The following GPHB5 variants were observed in gnomAD, a reference collection of about 807,000 sequenced individuals.
GPHB5 encodes the protein glycoprotein hormone beta-5.
In GPHB5, 7 loss-of-function variants were observed where a neutral mutation model predicts 10.1. That is an observed-to-expected ratio of 0.69 (90% CI 0.39 to 1.30). GPHB5 has a LOEUF of 1.30. Ranked by LOEUF, GPHB5 falls within the 50% of genes most tolerant of loss-of-function variation. The probability of loss-of-function intolerance (pLI) is 0.01; values close to 1 mark genes in which losing one functional copy is unlikely to be tolerated. For synonymous variants in GPHB5, 68 were observed against 70.1 expected (o/e 0.97, Z 0.15); for missense variants, 161 against 169.8 (o/e 0.95, Z 0.29).
At chr14:63,313,505 A>C (rs1304019671) in intron 2 of GPHB5, among the ~76,000 whole-genome samples, 1 of 152,096 alleles carries the variant, frequency 6.6e-6, no homozygotes, top group African/African-American at 2.4e-5. Flanking sequence ...AGCCCCAGTG[A>C]TTTCCCATCT....
Position 63,317,870 on chromosome 14 carries a change from A to T in GPHB5, c.-1-20T>A. On this transcript the variant is annotated intron_variant, in intron 1 of 2. Coordinates refer to ENST00000621500, the MANE Select transcript of GPHB5 (RefSeq NM_145171.4). ...TTCATGCTGCTCTTCCGGAGAGGGA[A>T]AGGACAGAGTTTAACAGATCTGGCT... 1 of 1,612,264 alleles carries T rather than the reference A, an allele frequency of 6.2e-7. No individual in the cohort carries two copies. The highest frequency in any genetic ancestry group is 8.5e-7 in the Non-Finnish European group (1 of 1,178,662).
At chr14:63,317,955 A>G in intron 1 of GPHB5, 105 bp from the exon 2 acceptor site, 6 of 1,006,256 alleles carry the variant, frequency 6.0e-6, no homozygotes, top group Non-Finnish European at 8.7e-6. Flanking sequence ...TGCTCCTAGC[A>G]TTTCAGGGAA....
chr14:63,312,935 G>A lies in GPHB5; in HGVS notation c.386C>T (p.Thr129Ile). ...AGAGAGCAGCTAGCGGCCTCAGATG[G>A]TCTCACACTCCGTGGTGGCAGTGGA... ...ACSTATTECE[T>I]I Residue 129 changes from threonine to isoleucine, a missense_variant, in exon 3 of 3, where the codon ACC (threonine) becomes ATC (isoleucine). Transcript: ENST00000621500. The A allele has an allele frequency of 6.4e-7, 1 of 1,552,236 alleles. No individual in the cohort carries two copies. Among genetic ancestry groups the A allele is most frequent in the Non-Finnish European group, 8.7e-7 (1 of 1,147,316 alleles).
chr14:63,318,065 C>G (rs1376946964), intron 1 of GPHB5, among the ~76,000 whole-genome samples: 1 of 152,194 alleles, frequency 6.6e-6, no homozygotes, highest in East Asian at 1.9e-4. Context: ...TCTCTAGATG[C>G]CCATCCTCCA....
Position 63,318,869 on chromosome 14 carries a change from C to T in GPHB5, c.-47G>A, listed in dbSNP as rs1882817395. The T allele has an allele frequency of 6.6e-6, 1 of 152,178 alleles. No individual in the cohort carries two copies. Among genetic ancestry groups the T allele is most frequent in the East Asian group, 1.9e-4 (1 of 5,198 alleles). 9.4% of individuals were successfully genotyped at this position (152,178 alleles called of 1,614,324 possible). A position where few individuals can be genotyped will look rare whatever the true frequency, so the allele number is the denominator to read the frequency against. ...TCTTCTTTTAGAGCTGAAACTTGCA[C>T]TAAGATTTCAGGAAGTCACAATGAA... On this transcript the variant is annotated 5_prime_UTR_variant, in exon 1 of 3. In the 5' UTR this introduces an upstream ATG that the reference lacks. Transcript: ENST00000621500.
At chr14:63,315,457 C>G (rs1882756357) in intron 2 of GPHB5, among the ~76,000 whole-genome samples, 1 of 152,016 alleles carries the variant, frequency 6.6e-6, no homozygotes, top group African/African-American at 2.4e-5. Context: ...TCCAATTTAC[C>G]TGGGCTTCCT....
intron 2 of GPHB5, among the ~76,000 whole-genome samples, chr14:63,314,423 TC>T (rs1882731480): frequency 7.2e-6 from 1 of 138,890 alleles, no homozygotes; most frequent in Admixed American, 6.8e-5. Context: ...AAAAATGCAA[TC>T]CATTTTTTTT....
chr14:63,318,695 G>A (rs1198210974), intron 1 of GPHB5, 129 bp downstream of exon 1: 1 of 152,136 alleles, frequency 6.6e-6, no homozygotes, highest in Non-Finnish European at 1.5e-5. Flanking sequence ...TAAAGGATAT[G>A]GCATTCATGG....
rs10137710 is a variant in GPHB5, at chr14:63,315,840, G to A, written c.204+1806C>T. On this transcript the variant is annotated intron_variant, in intron 2 of 2. Coordinates refer to ENST00000621500, the MANE Select transcript of GPHB5 (RefSeq NM_145171.4). Reference sequence around the variant, plus strand: ...ATCAGGGAGAATCTTGTTCTTTAACGGTTTTGGTGTTTCCATCTTTCCAGT... The same window carrying A: ...ATCAGGGAGAATCTTGTTCTTTAACAGTTTTGGTGTTTCCATCTTTCCAGT... Among the ~76,000 whole-genome samples the A allele has an allele frequency of 3.9e-5, 6 of 152,090 alleles. No homozygotes were observed. In the East Asian group the frequency reaches 7.7e-4, roughly 20 times the overall value.
At position 63,313,638 on chromosome 14, in the gene GPHB5, C is replaced by T. The variant is rs549983878; in HGVS notation, c.205-522G>A. Among the ~76,000 whole-genome samples, 3 of 152,280 alleles carry T rather than the reference C, an allele frequency of 2.0e-5. No individual in the cohort carries two copies. The South Asian group carries it at 6.2e-4, about 32-fold the overall frequency. On this transcript the variant is annotated intron_variant, in intron 2 of 2. Transcript: ENST00000621500. ...CTCACTGACTTCCTCACTAGGCTCA[C>T]GGCGGTCTCCTTATTGCTCCTCTGA...
At position 63,312,977 on chromosome 14, in the gene GPHB5, C is replaced by T. The variant is rs1476191180; in HGVS notation, c.344G>A (p.Cys115Tyr). ...PFYTYPVAIR[C>Y]DCGACSTATT... ...GGCAGTGGAGCAGGCTCCGCAGTCA[C>T]AGCGGATGGCCACGGGATAGGTGTA... Residue 115 changes from cysteine (C) to tyrosine (Y), a missense_variant, in exon 3 of 3, where the codon TGT becomes TAT. Coordinates refer to ENST00000621500, the MANE Select transcript of GPHB5 (RefSeq NM_145171.4). 1 of 1,560,374 alleles carries T rather than the reference C, an allele frequency of 6.4e-7. No individual in the cohort carries two copies. Among genetic ancestry groups the T allele is most frequent in the Non-Finnish European group, 8.7e-7 (1 of 1,151,912 alleles).
Position 63,312,999 on chromosome 14 carries a change from T to A in GPHB5, c.322A>T (p.Thr108Ser). ...TCACAGCGGATGGCCACGGGATAGG[T>A]GTAGAAGGGGTCGACTCCCGGGGCA... ...NCAPGVDPFY[T>S]YPVAIRCDCG... Residue 108 changes from threonine (T) to serine (S), a missense_variant, in exon 3 of 3, where the codon ACC (threonine) becomes TCC (serine). Coordinates refer to ENST00000621500, the MANE Select transcript of GPHB5 (RefSeq NM_145171.4). 2.5e-6 allele frequency: 4 copies of A among 1,574,688 alleles called. No individual in the cohort carries two copies. The highest frequency in any genetic ancestry group is 2.6e-6 in the Non-Finnish European group (3 of 1,159,776).
intron 2 of GPHB5, 110 bp from the exon 3 acceptor site, chr14:63,313,226 T>C (rs1882704150): frequency 1.9e-6 from 2 of 1,045,358 alleles, no homozygotes; most frequent in African/African-American, 1.6e-5. Context: ...GTTGATTTAC[T>C]TGTTGCTCTG....
intron 2 of GPHB5, among the ~76,000 whole-genome samples, chr14:63,317,022 C>T (rs1162001698): frequency 1.3e-5 from 2 of 152,260 alleles, no homozygotes; most frequent in South Asian, 2.1e-4. Flanking sequence ...GTGTTATCTC[C>T]ACTTTAAATT....
chr14:63,313,688 G>C (rs768901478), intron 2 of GPHB5, among the ~76,000 whole-genome samples: 40 of 152,074 alleles, frequency 2.6e-4, no homozygotes, highest in Non-Finnish European at 5.3e-4. Flanking sequence ...CCCCAGCTCA[G>C]GGCCTTTGCA....
rs1192197656 is a variant in GPHB5, at chr14:63,313,094, T to C, written c.227A>G (p.Tyr76Cys). Residue 76 changes from tyrosine (Y) to cysteine (C), a missense_variant, in exon 3 of 3, where the codon TAT (tyrosine) becomes TGT (cysteine). Coordinates refer to ENST00000621500, the MANE Select transcript of GPHB5 (RefSeq NM_145171.4). ...ACAGACTCGATGATGGGCTTCAATA[T>C]AGGGGGGTTCCAGAATGGGTTTCTG... ...TWEKPILEPP[Y>C]IEAHHRVCTY... 6.2e-7 allele frequency: 1 copy of C among 1,601,914 alleles called. No homozygotes were observed. Among genetic ancestry groups the C allele is most frequent in the Non-Finnish European group, 8.5e-7 (1 of 1,174,508 alleles).
At chr14:63,314,828 T>C (rs991046806) in intron 2 of GPHB5, among the ~76,000 whole-genome samples, 1 of 149,474 alleles carries the variant, frequency 6.7e-6, no homozygotes, top group Non-Finnish European at 1.5e-5. Context: ...AAAAAGAATA[T>C]ATATACATAT....
At chr14:63,316,485 G>A (rs1469871244) in intron 2 of GPHB5, among the ~76,000 whole-genome samples, 1 of 152,144 alleles carries the variant, frequency 6.6e-6, no homozygotes, top group Admixed American at 6.6e-5. Context: ...ATGAACCTCT[G>A]TCCTGAAAAA....
At chr14:63,316,822 T>A (rs948911283) in intron 2 of GPHB5, among the ~76,000 whole-genome samples, 1 of 152,186 alleles carries the variant, frequency 6.6e-6, no homozygotes, top group Non-Finnish European at 1.5e-5. Context: ...GTGTGGACAT[T>A]CAAGGTTTTT....
Sources: gnomAD v4.1 joint callset for allele counts (sites outside exome capture counted in the v4.1 genomes callset) on GRCh38, gnomAD v4.1.1 for gene constraint, MANE v1.5 for transcripts, NCBI Gene and HGNC (gene_info 2026-07-23, HGNC 2026-07-21) for gene names.